The following IRAG1 variants were observed in gnomAD, a reference collection of about 807,000 sequenced individuals.
IRAG1 encodes the protein IP3R-associated cGMP kinase substrate.
In IRAG1, 62 loss-of-function variants were observed where a neutral mutation model predicts 106.2. That is an observed-to-expected ratio of 0.58 (90% confidence interval 0.48 to 0.72). IRAG1 has a LOEUF of 0.72. Ranked by LOEUF, IRAG1 falls within the 30% of genes least tolerant of loss-of-function variation. IRAG1 has a pLI of 0.00. For synonymous variants in IRAG1, 462 were observed against 443.9 expected, an observed-to-expected ratio of 1.04 and a Z score of -0.51; for missense variants, 1,064 against 1,140.7, an observed-to-expected ratio of 0.93 and a Z score of 0.97.
chr11:10,606,629 T>C lies in IRAG1; in HGVS notation c.1602+113A>G, dbSNP rs1854499491. On this transcript the variant is annotated intron_variant, in intron 12 of 20. Transcript: ENST00000423302. ...AATGTTCACATTACCCCACAGTCAC[T>C]CTTTCTCATTTTTGTCTAAAAATGT... 8.2e-6 allele frequency: 9 copies of C among 1,098,810 alleles called. No individual in the cohort carries two copies. The Admixed American group carries it at 1.8e-4, about 22-fold the overall frequency. 68.1% of individuals were successfully genotyped at this position (1,098,810 alleles called of 1,614,324 possible).
chr11:10,651,218 A>G (rs1252614247), intron 2 of IRAG1, among the ~76,000 whole-genome samples: 1 of 152,268 alleles, frequency 6.6e-6, no homozygotes, highest in Non-Finnish European at 1.5e-5. Context: ...TGAAGAAAAT[A>G]CGACGAGGAT....
chr11:10,624,100 T>C (rs2134548657), intron 9 of IRAG1, among the ~76,000 whole-genome samples: 1 of 152,322 alleles, frequency 6.6e-6, no homozygotes, highest in South Asian at 2.1e-4. Context: ...GGGACTACCC[T>C]TGGCATGGTC....
chr11:10,640,744 A>G (rs1290096904), intron 2 of IRAG1, among the ~76,000 whole-genome samples: 1 of 152,188 alleles, frequency 6.6e-6, no homozygotes, highest in Admixed American at 6.5e-5. Flanking sequence ...AAGACCAAAT[A>G]GCGTTGGCCA....
chr11:10,605,000 C>A (rs755334649), intron 12 of IRAG1, among the ~76,000 whole-genome samples: 4 of 152,202 alleles, frequency 2.6e-5, no homozygotes, highest in Non-Finnish European at 5.9e-5. Flanking sequence ...TGACGTAAAG[C>A]AAACTTCAAT....
chr11:10,656,791 G>A (rs1564931374), intron 1 of IRAG1, among the ~76,000 whole-genome samples: 1 of 152,100 alleles, frequency 6.6e-6, no homozygotes, highest in Non-Finnish European at 1.5e-5. Flanking sequence ...CTGACTCCTA[G>A]GCCCGCCATC....
intron 1 of IRAG1, among the ~76,000 whole-genome samples, chr11:10,666,133 C>A (rs1859768382): frequency 6.6e-6 from 1 of 152,170 alleles, no homozygotes; most frequent in African/African-American, 2.4e-5. Flanking sequence ...GCAGGGGAGT[C>A]ATTTTTCCAC....
At chr11:10,625,575 G>T (rs371223707) in intron 9 of IRAG1, among the ~76,000 whole-genome samples, 1 of 152,088 alleles carries the variant, frequency 6.6e-6, no homozygotes, top group African/African-American at 2.4e-5. Context: ...ACCCTTGCTA[G>T]CTAATCCTAG....
chr11:10,619,791 G>C (rs1855697714), intron 10 of IRAG1, among the ~76,000 whole-genome samples: 1 of 152,214 alleles, frequency 6.6e-6, no homozygotes, highest in Non-Finnish European at 1.5e-5. Flanking sequence ...AGGCTATGCA[G>C]CTGGTAAGTG....
intron 1 of IRAG1, chr11:10,690,303 T>C (rs1564948055): frequency 1.0e-6 from 1 of 965,004 alleles, no homozygotes; most frequent in Non-Finnish European, 1.4e-6. Context: ...GGCATGAGAA[T>C]TGCTTGAACC....
chr11:10,615,140 T>G (rs1001226635), intron 10 of IRAG1, among the ~76,000 whole-genome samples: 2 of 152,206 alleles, frequency 1.3e-5, no homozygotes, highest in African/African-American at 4.8e-5. Flanking sequence ...CAGACACTTC[T>G]CAAAAGAAGA....
intron 10 of IRAG1, among the ~76,000 whole-genome samples, chr11:10,615,318 T>G (rs1347645159): frequency 6.6e-6 from 1 of 152,186 alleles, no homozygotes; most frequent in Non-Finnish European, 1.5e-5. Context: ...ATAGGAACAC[T>G]TTTACACTGT....
At chr11:10,604,288 G>T (rs1854293827) in intron 13 of IRAG1, 117 bp downstream of exon 13, 1 of 1,312,640 alleles carries the variant, frequency 7.6e-7, no homozygotes, top group Non-Finnish European at 1.0e-6. Context: ...CAGAGTCTTG[G>T]CTCAATTTTT....
At chr11:10,607,707 C>T (rs117561784) in intron 11 of IRAG1, among the ~76,000 whole-genome samples, 3,619 of 152,222 alleles carry the variant, frequency 0.024, 75 homozygotes, top group Middle Eastern at 0.051. Flanking sequence ...CTCTCTTGAA[C>T]GGGTGTGAAG....
intron 15 of IRAG1, among the ~76,000 whole-genome samples, chr11:10,600,197 C>A (rs765133849): frequency 6.6e-6 from 1 of 152,174 alleles, no homozygotes; most frequent in Admixed American, 6.5e-5. Context: ...TCTTTGTCTC[C>A]CTTCAAGCAG....
At chr11:10,581,561 G>GCAC (rs1256328681) in intron 19 of IRAG1, among the ~76,000 whole-genome samples, 1 of 151,890 alleles carries the variant, frequency 6.6e-6, no homozygotes, top group African/African-American at 2.4e-5. Flanking sequence ...GAAGCCTCAG[G>GCAC]CACCACCAAG....
At chr11:10,668,900 C>T (rs1252200616) in intron 1 of IRAG1, among the ~76,000 whole-genome samples, 11 of 152,232 alleles carry the variant, frequency 7.2e-5, no homozygotes, top group Non-Finnish European at 4.4e-5. Flanking sequence ...GCAGACCTGG[C>T]TCTGAGGCTG....
chr11:10,642,563 A>T (rs1345310327), intron 2 of IRAG1, among the ~76,000 whole-genome samples: 1 of 152,240 alleles, frequency 6.6e-6, no homozygotes, highest in Non-Finnish European at 1.5e-5. Flanking sequence ...AATGTGGGCT[A>T]GTGAAGAAGT....
intron 13 of IRAG1, 25 bp from the exon 14 acceptor site, chr11:10,603,276 TG>T: frequency 6.2e-7 from 1 of 1,611,132 alleles, no homozygotes; most frequent in Non-Finnish European, 8.5e-7. Flanking sequence ...GAGCATCACC[TG>T]GGGTCCTCAA....
At chr11:10,631,389 A>G (rs1473524555) in intron 4 of IRAG1, among the ~76,000 whole-genome samples, 1 of 152,144 alleles carries the variant, frequency 6.6e-6, no homozygotes, top group African/African-American at 2.4e-5. Flanking sequence ...GCACAACTCA[A>G]ATGCCACCTC....
Sources: gnomAD v4.1 joint callset for allele counts (sites outside exome capture counted in the v4.1 genomes callset) on GRCh38, gnomAD v4.1.1 for gene constraint, MANE v1.5 for transcripts, NCBI Gene and HGNC (gene_info 2026-07-23, HGNC 2026-07-21) for gene names.